Variants in GPC5 observed in about 807,000 individuals in gnomAD.
The protein encoded by GPC5 is glypican-5.
Under a neutral mutation model 53.9 loss-of-function variants are expected in GPC5, and 47 were observed. The ratio of observed to expected loss-of-function variants is 0.87; its 90% confidence interval spans 0.69 to 1.11. The LOEUF is 1.11. Ranked by LOEUF, GPC5 falls within the 50% of genes most tolerant of loss-of-function variation. GPC5 has a pLI of 0.00. For synonymous variants in GPC5, 286 were observed against 263.3 expected (o/e 1.09, Z -0.84); for missense variants, 748 against 713.1 (o/e 1.05, Z -0.56).
At chr13:92,199,036 A>G (rs950562622) in intron 7 of GPC5, among the ~76,000 whole-genome samples, 4 of 152,342 alleles carry the variant, frequency 2.6e-5, no homozygotes, top group African/African-American at 9.6e-5. Context: ...ATACTCTTCT[A>G]TGGAAAAATA....
chr13:91,511,214 G>A (rs1435279206), intron 2 of GPC5, among the ~76,000 whole-genome samples: 11 of 151,714 alleles, frequency 7.3e-5, no homozygotes, highest in African/African-American at 2.4e-4. Flanking sequence ...ATTGTTTTCT[G>A]GCCTCAATTA....
At chr13:92,733,241 G>A (rs1240097146) in intron 7 of GPC5, among the ~76,000 whole-genome samples, 1 of 151,692 alleles carries the variant, frequency 6.6e-6, no homozygotes, top group Non-Finnish European at 1.5e-5. Context: ...ATGTAGAGGA[G>A]CAATTGAAAC....
rs149230414 is a variant in GPC5, at chr13:92,587,750, C to T, written c.1562-278532C>T. On this transcript the variant is annotated intron_variant, in intron 7 of 7. Coordinates refer to ENST00000377067, the MANE Select transcript of GPC5 (RefSeq NM_004466.6). ...CCAGTAATTCTGATCCCTGTAAATG[C>T]TCAGCTTCCTGGGCATTCACTCCTG... Among the ~76,000 whole-genome samples the T allele has an allele frequency of 9.3e-4, 142 of 152,222 alleles. 1 individual carries two copies. The highest frequency in any genetic ancestry group is 3.3e-3 in the African/African-American group (137 of 41,532).
chr13:92,145,116 G>T, intron 7 of GPC5, 127 bp downstream of exon 7: 2 of 909,574 alleles, frequency 2.2e-6, no homozygotes, highest in Non-Finnish European at 2.9e-6. Context: ...AAATGGAAAT[G>T]AATCTATTTT....
At chr13:92,168,162 C>T (rs200160742) in intron 7 of GPC5, among the ~76,000 whole-genome samples, 2 of 152,152 alleles carry the variant, frequency 1.3e-5, no homozygotes, top group East Asian at 3.8e-4. Flanking sequence ...CTTGGCCCTT[C>T]CTTATACCTT....
chr13:92,046,682 TA>T (rs1159472397), intron 6 of GPC5, among the ~76,000 whole-genome samples: 1 of 152,218 alleles, frequency 6.6e-6, no homozygotes, highest in Non-Finnish European at 1.5e-5. Context: ...TATATCTTAT[TA>T]AAAAATCCTA....
At chr13:91,973,683 A>G (rs2040267035) in intron 6 of GPC5, among the ~76,000 whole-genome samples, 1 of 152,224 alleles carries the variant, frequency 6.6e-6, no homozygotes, top group East Asian at 1.9e-4. Context: ...TTTCCTTCTA[A>G]CAGACAGGAC....
chr13:92,475,060 A>C (rs1051830143), intron 7 of GPC5, among the ~76,000 whole-genome samples: 2 of 152,152 alleles, frequency 1.3e-5, no homozygotes. Flanking sequence ...ACCAGGAAGT[A>C]TACTCACAAA....
chr13:92,064,838 A>C (rs2041155409), intron 6 of GPC5, among the ~76,000 whole-genome samples: 1 of 152,040 alleles, frequency 6.6e-6, no homozygotes, highest in African/African-American at 2.4e-5. Context: ...CTACTCAAAG[A>C]TAGAACATAT....
At chr13:92,355,108 T>G (rs923213479) in intron 7 of GPC5, among the ~76,000 whole-genome samples, 3 of 151,702 alleles carry the variant, frequency 2.0e-5, no homozygotes, top group Non-Finnish European at 4.4e-5. Flanking sequence ...AATCTGTTAT[T>G]AATGAAATTA....
intron 7 of GPC5, among the ~76,000 whole-genome samples, chr13:92,575,334 G>A (rs1883157031): frequency 2.6e-5 from 4 of 152,044 alleles, no homozygotes. Flanking sequence ...TAAAAGAAAA[G>A]GTAATTTGAA....
intron 6 of GPC5, chr13:91,994,797 C>T (rs2040489032): frequency 6.6e-6 from 1 of 152,092 alleles, no homozygotes; most frequent in Non-Finnish European, 1.5e-5. Flanking sequence ...CCCTGATCCC[C>T]ATTTTAGCAA....
chr13:92,584,845 C>T (rs566464471), intron 7 of GPC5, among the ~76,000 whole-genome samples: 1 of 152,288 alleles, frequency 6.6e-6, no homozygotes, highest in South Asian at 2.1e-4. Context: ...GGCCAACGTA[C>T]AGCTTGGGCT....
intron 1 of GPC5, among the ~76,000 whole-genome samples, chr13:91,414,894 C>T (rs1240771483): frequency 6.6e-6 from 1 of 152,172 alleles, no homozygotes; most frequent in Non-Finnish European, 1.5e-5. Flanking sequence ...AAGTCATATA[C>T]ATAAATCCAC....
At chr13:91,545,483 T>A (rs1178864464) in intron 2 of GPC5, among the ~76,000 whole-genome samples, 2 of 152,180 alleles carry the variant, frequency 1.3e-5, no homozygotes, top group African/African-American at 4.8e-5. Flanking sequence ...GTAGGAGGAA[T>A]TAAATTTATT....
intron 2 of GPC5, among the ~76,000 whole-genome samples, chr13:91,498,751 AT>A (rs1309590686): frequency 6.6e-6 from 1 of 152,058 alleles, no homozygotes; most frequent in Non-Finnish European, 1.5e-5. Context: ...TGGGCGGATC[AT>A]TTGAGGTCAA....
chr13:92,848,858 T>C (rs1878697799), intron 7 of GPC5, among the ~76,000 whole-genome samples: 1 of 152,178 alleles, frequency 6.6e-6, no homozygotes, highest in Non-Finnish European at 1.5e-5. Flanking sequence ...TGGGATTAGA[T>C]ACTGAGGAAA....
At chr13:92,295,074 C>G (rs1310428056) in intron 7 of GPC5, among the ~76,000 whole-genome samples, 2 of 151,994 alleles carry the variant, frequency 1.3e-5, no homozygotes, top group Non-Finnish European at 2.9e-5. Flanking sequence ...AGGTGATATA[C>G]CTGCCTTGGC....
intron 7 of GPC5, among the ~76,000 whole-genome samples, chr13:92,536,274 T>A: frequency 6.6e-6 from 1 of 152,138 alleles, no homozygotes; most frequent in East Asian, 1.9e-4. Flanking sequence ...CAGTTAATAG[T>A]TTTAATAAAT....
Sources: gnomAD v4.1 joint callset for allele counts (sites outside exome capture counted in the v4.1 genomes callset) on GRCh38, gnomAD v4.1.1 for gene constraint, MANE v1.5 for transcripts, NCBI Gene and HGNC (gene_info 2026-07-23, HGNC 2026-07-21) for gene names.